The following KRT83 variants were observed in gnomAD, a reference collection of about 807,000 sequenced individuals.
The protein encoded by KRT83 is keratin 83, also known as keratin, type II cuticular Hb3.
In KRT83, 51 loss-of-function variants were observed where a neutral mutation model predicts 52.9. The ratio of observed to expected loss-of-function variants is 0.96; its 90% CI spans 0.77 to 1.22. KRT83 has a LOEUF of 1.22. Among genes scored for constraint, KRT83 ranks in the 50% most tolerant of loss-of-function variants. The pLI, the probability that KRT83 is intolerant of heterozygous loss-of-function variation, is 0.00. For missense variants in KRT83, 654 were observed against 666.5 expected, an observed-to-expected ratio of 0.98 and a Z score of 0.21; for synonymous variants, 278 against 274.1, an observed-to-expected ratio of 1.01 and a Z score of -0.14.
At position 52,316,510 on chromosome 12, in the gene KRT83, C is replaced by T. The variant is rs769306649; in HGVS notation, c.999G>A (p.Met333Ile). Reference protein sequence around the residue: ...TKEEINELNRMIQRLTAEVEN... With the variant: ...TKEEINELNRIIQRLTAEVEN... ...CCACCTCGGCTGTCAGCCTCTGGAT[C>T]ATGCGGTTCAGCTCGTTGATCTCCT... The change falls in exon 6 of 9, where the codon ATG becomes ATA. Residue 333 changes from methionine (M) to isoleucine (I), a missense_variant. Coordinates refer to ENST00000293670, the MANE Select transcript of KRT83 (RefSeq NM_002282.3). The T allele has an allele frequency of 3.4e-5, 55 of 1,614,064 alleles. No homozygotes were observed. The highest frequency in any genetic ancestry group is 2.2e-4 in the Admixed American group (13 of 60,006).
Position 52,321,181 on chromosome 12 carries a change from C to A in KRT83, c.155G>T (p.Ser52Ile). Residue 52 changes from serine (S) to isoleucine (I), a missense_variant, in exon 1 of 9, where the codon AGC becomes ATC. By Grantham distance (142) the Ser-to-Ile change is moderately radical. Coordinates refer to ENST00000293670, the MANE Select transcript of KRT83 (RefSeq NM_002282.3). ...CYRGLTGGFG[S>I]HSVCGGFRAG... is the part of the protein sequence containing the mutation. ...GCGGAAGCCCCCGCACACGCTGTGG[C>A]TGCCAAAGCCCCCGGTGAGGCCGCG... 1 of 1,612,788 alleles carries A rather than the reference C, an allele frequency of 6.2e-7. No individual in the cohort carries two copies. Among genetic ancestry groups the A allele is most frequent in the Non-Finnish European group, 8.5e-7 (1 of 1,179,388 alleles).
chr12:52,315,156 G>C (rs540114303), intron 8 of KRT83, among the ~76,000 whole-genome samples, 156 bp downstream of exon 8: 3 of 152,068 alleles, frequency 2.0e-5, no homozygotes, highest in Non-Finnish European at 4.4e-5. Flanking sequence ...TTCTTCCTGC[G>C]AGCTAACCTC....
rs758789654 is a variant in KRT83 at position 52,317,555 on chromosome 12, C to A, written c.750+126G>T. Reference sequence around the variant, plus strand: ...GTTCCTTCCCTCTCCTTGCTCCCTGCCAACCCTCCAGCCGTGAGCCTGGGT... The same window carrying A: ...GTTCCTTCCCTCTCCTTGCTCCCTGACAACCCTCCAGCCGTGAGCCTGGGT... On this transcript the variant is annotated intron_variant, in intron 4 of 8. Coordinates refer to ENST00000293670, the MANE Select transcript of KRT83 (RefSeq NM_002282.3). 8.3e-4 allele frequency: 956 copies of A among 1,145,100 alleles called. 6 individuals are homozygous for A. The highest frequency in any genetic ancestry group is 1.8e-4 in the Non-Finnish European group (135 of 758,240). 70.9% of individuals were successfully genotyped at this position (1,145,100 alleles called of 1,614,324 possible).
chr12:52,320,406 T>A (rs1938751550), intron 1 of KRT83, among the ~76,000 whole-genome samples: 1 of 152,224 alleles, frequency 6.6e-6, no homozygotes, highest in Non-Finnish European at 1.5e-5. Flanking sequence ...GTGCACTGCC[T>A]GCCTCCCCAT....
In KRT83 at chr12:52,316,862, G is replaced by A; in HGVS notation, c.912C>T (p.Ser304=). Reference sequence around the variant, plus strand: ...GCAGGTGTCCTGTGCCGCTCACCTTGCTGCGATACCAGGACTCGGCCTCAG... The same window carrying A: ...GCAGGTGTCCTGTGCCGCTCACCTTACTGCGATACCAGGACTCGGCCTCAG... ...SRAEAESWYR[S]KCEEMKATVI... is the part of the protein sequence containing the mutation. The change falls in exon 5 of 9, where the codon AGC becomes AGT. Residue 304 remains serine (S), a synonymous_variant. Transcript: ENST00000293670. The A allele has an allele frequency of 3.7e-6, 6 of 1,614,114 alleles. No individual in the cohort carries two copies. The highest frequency in any genetic ancestry group is 4.2e-6 in the Non-Finnish European group (5 of 1,180,024).
chr12:52,319,097 C>T (rs534475220), intron 2 of KRT83, 59 bp downstream of exon 2: 1,172 of 1,611,078 alleles, frequency 7.3e-4, no homozygotes, highest in Non-Finnish European at 9.2e-4. Flanking sequence ...CTCCTCCGGG[C>T]TCAGGGAGCT....
At position 52,315,330 on chromosome 12, in the gene KRT83, CACCTTCACACAGCCTGAG is replaced by C. The variant is rs1565754334; in HGVS notation, c.1263-5_1275del. 1 of 1,613,886 alleles carries C rather than the reference CACCTTCACACAGCCTGAG, an allele frequency of 6.2e-7. No homozygotes were observed. Among genetic ancestry groups the C allele is most frequent in the Admixed American group, 1.7e-5 (1 of 60,030 alleles). ...TACTTACAGACATTCACAGCTTCAA[CACCTTCACACAGCCTGAG>C]TGGGGAAAAAGTAAGGAAGGGGAAG... is the stretch of plus-strand genomic sequence containing the variant. On this transcript the variant is annotated splice_acceptor_variant and splice_polypyrimidine_tract_variant and coding_sequence_variant and intron_variant, in exon 8 of 9. Transcript: ENST00000293670. LOFTEE classifies it high-confidence loss of function.
chr12:52,319,040 A>G, intron 2 of KRT83, 116 bp downstream of exon 2: 1 of 1,488,318 alleles, frequency 6.7e-7, no homozygotes, highest in Non-Finnish European at 9.4e-7. Flanking sequence ...CAGGGGGTAC[A>G]GGTTCTTCTC....
At chr12:52,315,290 T>G (rs773205109) in intron 8 of KRT83, 22 bp downstream of exon 8, 1 of 1,612,958 alleles carries the variant, frequency 6.2e-7, no homozygotes, top group East Asian at 2.2e-5. Flanking sequence ...ACATTTTCCT[T>G]TTCAGGGCTC....
chr12:52,317,289 G>T (rs1938702594), intron 4 of KRT83, among the ~76,000 whole-genome samples: 1 of 152,152 alleles, frequency 6.6e-6, no homozygotes, highest in Non-Finnish European at 1.5e-5. Context: ...ACCCTGTATG[G>T]GGGGCCTCTT....
rs1180299203 is a variant in KRT83, at chr12:52,321,160, A to T, written c.176T>A (p.Phe59Tyr). The change falls in exon 1 of 9, where the codon TTC (phenylalanine) becomes TAC (tyrosine). Residue 59 changes from phenylalanine to tyrosine, a missense_variant. Transcript: ENST00000293670. ...GCTGCGTCCGCAGGAGCCGGCGCGG[A>T]AGCCCCCGCACACGCTGTGGCTGCC... ...GFGSHSVCGG[F>Y]RAGSCGRSFG... 6.2e-7 allele frequency: 1 copy of T among 1,612,362 alleles called. No individual in the cohort carries two copies. The highest frequency in any genetic ancestry group is 1.3e-5 in the African/African-American group (1 of 74,892).
Position 52,315,870 on chromosome 12 carries a change from G to A in KRT83, c.1262+23C>T, listed in dbSNP as rs747219693. On this transcript the variant is annotated intron_variant, in intron 7 of 8. Transcript: ENST00000293670. ...GTGGGCAGGTCTATGCAAGTGGAGTGCTTAGGGCTGGGTTGGACCCACCTC... is the reference window on the plus strand; with the variant it reads ...GTGGGCAGGTCTATGCAAGTGGAGTACTTAGGGCTGGGTTGGACCCACCTC... 26 of 1,612,084 alleles carry A rather than the reference G, an allele frequency of 1.6e-5. No individual in the cohort carries two copies. In the Admixed American group the frequency reaches 4.3e-4, roughly 27 times the overall value.
chr12:52,321,260 G>A lies in KRT83; in HGVS notation c.76C>T (p.Arg26Trp). The A allele has an allele frequency of 6.2e-7, 1 of 1,613,414 alleles. No homozygotes were observed. Among genetic ancestry groups the A allele is most frequent in the South Asian group, 1.1e-5 (1 of 91,082 alleles). The change falls in exon 1 of 9, where the codon CGG (arginine) becomes TGG (tryptophan). Residue 26 changes from arginine (R) to tryptophan (W), a missense_variant. Arg to Trp is a moderately radical substitution (Grantham distance 101). Transcript: ENST00000293670. The part of the protein sequence containing the change: ...NFSCVSACGP[R>W]PSRCCITAAP... ...GCGGTGATGCAGCAGCGGCTTGGCCGGGGCCCGCAGGCAGAGACACAGCTG... is the reference window on the plus strand; with the variant it reads ...GCGGTGATGCAGCAGCGGCTTGGCCAGGGCCCGCAGGCAGAGACACAGCTG...
intron 8 of KRT83, 120 bp downstream of exon 8, chr12:52,315,192 T>A: frequency 9.2e-7 from 1 of 1,081,542 alleles, no homozygotes; most frequent in Non-Finnish European, 1.4e-6. Context: ...ATGACCAACC[T>A]ATCCTCTTTA....
chr12:52,320,986 G>C lies in KRT83; in HGVS notation c.350C>G (p.Ser117Cys), dbSNP rs747408486. ...VKQEEKEQIK[S>C]LNSRFAAFID... ...GAAGGCCGCGAATCTGCTGTTGAGG[G>C]ACTTGATCTGCTCCTTCTCCTCCTG... is the stretch of plus-strand genomic sequence containing the variant. Residue 117 changes from serine (S) to cysteine (C), a missense_variant, in exon 1 of 9, where the codon TCC (serine) becomes TGC (cysteine). Physicochemically the swap from Ser to Cys is moderately radical, Grantham distance 112. Coordinates refer to ENST00000293670, the MANE Select transcript of KRT83 (RefSeq NM_002282.3). The C allele has an allele frequency of 6.2e-7, 1 of 1,613,730 alleles. No homozygotes were observed. Among genetic ancestry groups the C allele is most frequent in the South Asian group, 1.1e-5 (1 of 91,048 alleles).
intron 1 of KRT83, among the ~76,000 whole-genome samples, chr12:52,319,588 T>C (rs1455939210): frequency 1.3e-5 from 2 of 152,230 alleles, no homozygotes; most frequent in Non-Finnish European, 2.9e-5. Context: ...CCTGGTGTCA[T>C]GGAAAATGCT....
Position 52,321,154 on chromosome 12 carries a change from G to A in KRT83, c.182C>T (p.Ala61Val). The A allele has an allele frequency of 1.2e-6, 2 of 1,612,368 alleles. No homozygotes were observed. The highest frequency in any genetic ancestry group is 1.1e-5 in the South Asian group (1 of 90,950). Residue 61 changes from alanine (A) to valine (V), a missense_variant, in exon 1 of 9, where the codon GCC becomes GTC. Physicochemically the swap from Ala to Val is moderately conservative, Grantham distance 64 (BLOSUM62 0). Transcript: ENST00000293670. ...GCCGAAGCTGCGTCCGCAGGAGCCG[G>A]CGCGGAAGCCCCCGCACACGCTGTG... ...GSHSVCGGFR[A>V]GSCGRSFGYR...
chr12:52,314,644 TG>T lies in KRT83; in HGVS notation c.1468del (p.Gln490ArgfsTer41). 1 of 1,569,194 alleles carries T rather than the reference TG, an allele frequency of 6.4e-7. No individual in the cohort carries two copies. Among genetic ancestry groups the T allele is most frequent in the Non-Finnish European group, 8.6e-7 (1 of 1,157,094 alleles). On this transcript the variant is annotated frameshift_variant, in exon 9 of 9. Coordinates refer to ENST00000293670, the MANE Select transcript of KRT83 (RefSeq NM_002282.3). LOFTEE classifies it high-confidence loss of function. Reference protein sequence around the residue: ...NTTCGGGSCGQGRH With the variant: ...NTTCGGGSCGXGRH ...CTTTTGGGCCACTTAATGCCTCCCC[TG>T]GCCGCAGGAGCCCCCTCCACAGGTG...
At position 52,316,973 on chromosome 12, in the gene KRT83, C is replaced by A. The variant is rs200304640; in HGVS notation, c.801G>T (p.Lys267Asn). 1.8e-5 allele frequency: 29 copies of A among 1,614,104 alleles called. No individual in the cohort carries two copies. The African/African-American group carries it at 2.9e-4, about 16-fold the overall frequency. ...TGTTCAGGTCCCGGCTGTTGTCCAG[C>A]TTGACAACCACGGAGGTGTCTGAGA... ...SHISDTSVVV[K>N]LDNSRDLNMD... The change falls in exon 5 of 9, where the codon AAG (lysine) becomes AAT (asparagine). Residue 267 changes from lysine (K) to asparagine (N), a missense_variant. Physicochemically the swap from Lys to Asn is moderately conservative, Grantham distance 94. Transcript: ENST00000293670.
Sources: gnomAD v4.1 joint callset for allele counts (sites outside exome capture counted in the v4.1 genomes callset) on GRCh38, gnomAD v4.1.1 for gene constraint, MANE v1.5 for transcripts, NCBI Gene and HGNC (gene_info 2026-07-23, HGNC 2026-07-21) for gene names.